PLEKHA5: variants seen among roughly 807,000 people sequenced by gnomAD.
PLEKHA5 encodes pleckstrin homology domain-containing family A member 5.
PLEKHA5 carries 55 observed loss-of-function variants against 181.9 expected under a neutral mutation model. The observed-to-expected ratio is 0.30, with a 90% confidence interval of 0.24 to 0.38. The LOEUF is 0.38. Ranked by LOEUF, PLEKHA5 falls within the 10% of genes least tolerant of loss-of-function variation. The pLI, the probability that PLEKHA5 is intolerant of heterozygous loss-of-function variation, is 1.00. For synonymous variants in PLEKHA5, 535 were observed against 529.4 expected (o/e 1.01, Z -0.15); for missense variants, 1,432 against 1,549.5 (o/e 0.92, Z 1.27).
intron 3 of PLEKHA5, among the ~76,000 whole-genome samples, chr12:19,226,498 A>C (rs181636111): frequency 6.6e-6 from 1 of 152,142 alleles, no homozygotes; most frequent in Non-Finnish European, 1.5e-5. Context: ...TTTGTGTCCA[A>C]CTTTTTGAGC....
rs1387520008 is a variant in PLEKHA5 at position 19,305,873 on chromosome 12, A to AC, written c.2038-8941_2038-8940insC. On this transcript the variant is annotated intron_variant, in intron 15 of 31. Coordinates refer to ENST00000429027, the MANE Select transcript of PLEKHA5 (RefSeq NM_001256470.2). Reference sequence around the variant, plus strand: ...CAAAACTCCATCTCAAAAAAAAAAAAAAAAAAAAAAACAACTATGAAGACT... The same window carrying AC: ...CAAAACTCCATCTCAAAAAAAAAAAACAAAAAAAAAAACAACTATGAAGACT... Among the ~76,000 whole-genome samples the AC allele has an allele frequency of 3.2e-3, 423 of 133,886 alleles. 3 individuals carry two copies. The highest frequency in any genetic ancestry group is 0.012 in the African/African-American group (404 of 34,158). The allele number at this position is 133,886 out of a possible 152,430, so 87.8% of individuals were successfully genotyped here. A position where few individuals can be genotyped will look rare whatever the true frequency, so the allele number is the denominator to read the frequency against.
intron 12 of PLEKHA5, among the ~76,000 whole-genome samples, 191 bp downstream of exon 12, chr12:19,283,936 C>T (rs2076690574): frequency 6.6e-6 from 1 of 152,102 alleles, no homozygotes; most frequent in Non-Finnish European, 1.5e-5. Context: ...TACCTAATTG[C>T]AACACTTCAT....
chr12:19,306,283 T>C (rs764649758), intron 15 of PLEKHA5: 100 of 352,026 alleles, frequency 2.8e-4, no homozygotes, highest in Non-Finnish European at 4.8e-4. Flanking sequence ...TGTTTTCTTA[T>C]TTACAGCTAG....
chr12:19,206,859 C>T (rs2055669100), intron 3 of PLEKHA5, among the ~76,000 whole-genome samples: 1 of 152,066 alleles, frequency 6.6e-6, no homozygotes. Flanking sequence ...ATGATGCATA[C>T]CTTGTTTATT....
rs909459313 is a variant in PLEKHA5 at position 19,347,276 on chromosome 12, A to T, written c.2898+94A>T. 9.0e-5 allele frequency: 51 copies of T among 566,232 alleles called. No individual in the cohort carries two copies. The East Asian group carries it at 1.5e-3, about 17-fold the overall frequency. The allele number at this position is 566,232 out of a possible 1,614,324, so 35.1% of individuals were successfully genotyped here. A position where few individuals can be genotyped will look rare whatever the true frequency, so the allele number is the denominator to read the frequency against. ...TTTACACTCAAACTTTTTTTTTATT[A>T]TAACCTTTATAACCTCATTTTTGGC... On this transcript the variant is annotated intron_variant, in intron 24 of 31. Coordinates refer to ENST00000429027, the MANE Select transcript of PLEKHA5 (RefSeq NM_001256470.2).
chr12:19,342,689 A>C (rs1243899969), intron 21 of PLEKHA5, among the ~76,000 whole-genome samples: 1 of 152,096 alleles, frequency 6.6e-6, no homozygotes, highest in Non-Finnish European at 1.5e-5. Flanking sequence ...AGGCAGCAGA[A>C]TCACTTGCGC....
chr12:19,300,803 A>C (rs1474706845), intron 15 of PLEKHA5, among the ~76,000 whole-genome samples: 1 of 152,104 alleles, frequency 6.6e-6, no homozygotes, highest in Non-Finnish European at 1.5e-5. Context: ...ACCATTGATA[A>C]AATCCAGATC....
rs2033244894 is a variant in PLEKHA5 at position 19,130,419 on chromosome 12, C to T, written c.169+289C>T. Among the ~76,000 whole-genome samples the T allele has an allele frequency of 6.6e-6, 1 of 151,934 alleles. No homozygotes were observed. Among genetic ancestry groups the T allele is most frequent in the Admixed American group, 6.5e-5 (1 of 15,272 alleles). On this transcript the variant is annotated intron_variant, in intron 2 of 31. Coordinates refer to ENST00000429027, the MANE Select transcript of PLEKHA5 (RefSeq NM_001256470.2). This position sits in a 1 kb window ranked among gnomAD's most constrained non-coding sequence, Gnocchi z 4.5. ...CCCAGCCTAGACGACCCTCGCGACC[C>T]TAGAGTGGCGACGCTCCCCTCCCTG... is the stretch of plus-strand genomic sequence containing the variant.
intron 3 of PLEKHA5, among the ~76,000 whole-genome samples, chr12:19,219,597 G>C (rs2058612641): frequency 6.7e-6 from 1 of 150,042 alleles, no homozygotes; most frequent in South Asian, 2.1e-4. Flanking sequence ...ATACTTATAG[G>C]TTACCTGTTA....
chr12:19,196,680 G>A (rs1229459402), intron 3 of PLEKHA5, among the ~76,000 whole-genome samples: 1 of 152,010 alleles, frequency 6.6e-6, no homozygotes, highest in Non-Finnish European at 1.5e-5. Context: ...CAATATTCCT[G>A]TACAAACAAA....
intron 3 of PLEKHA5, among the ~76,000 whole-genome samples, chr12:19,251,826 G>A (rs1329273438): frequency 6.6e-6 from 1 of 150,642 alleles, no homozygotes; most frequent in Non-Finnish European, 1.5e-5. Flanking sequence ...TAATAATACA[G>A]GGGACAAACT....
chr12:19,251,311 G>T (rs983563996), intron 3 of PLEKHA5, among the ~76,000 whole-genome samples: 1 of 151,816 alleles, frequency 6.6e-6, no homozygotes, highest in African/African-American at 2.4e-5. Flanking sequence ...GGAGGCTGAG[G>T]CAGGAGGATC....
intron 15 of PLEKHA5, among the ~76,000 whole-genome samples, chr12:19,300,736 T>A (rs1238724552): frequency 6.6e-6 from 1 of 152,220 alleles, no homozygotes. Flanking sequence ...AATCTTTGAA[T>A]TAATGGTAGG....
At chr12:19,195,540 C>T (rs2052466434) in intron 3 of PLEKHA5, among the ~76,000 whole-genome samples, 1 of 151,626 alleles carries the variant, frequency 6.6e-6, no homozygotes, top group Non-Finnish European at 1.5e-5. Flanking sequence ...CGTGCTGGCA[C>T]ACACCTGTAG....
At chr12:19,367,305 G>C (rs2095454859) in intron 30 of PLEKHA5, among the ~76,000 whole-genome samples, 1 of 138,246 alleles carries the variant, frequency 7.2e-6, no homozygotes, top group Non-Finnish European at 1.5e-5. Context: ...ACCCAGGCTG[G>C]AGTGATGTGG....
intron 15 of PLEKHA5, among the ~76,000 whole-genome samples, chr12:19,305,872 A>AAAAC (rs1335337968): frequency 7.5e-6 from 1 of 133,756 alleles, no homozygotes; most frequent in Non-Finnish European, 1.6e-5. Context: ...AAAAAAAAAA[A>AAAAC]AAAAAAAAAA....
intron 30 of PLEKHA5, among the ~76,000 whole-genome samples, chr12:19,369,347 A>T (rs67885039): frequency 0.21 from 31,547 of 150,728 alleles, 3,315 homozygotes; most frequent in South Asian, 0.29. Flanking sequence ...AAAAAAAAAA[A>T]TTTTTAAGTA....
chr12:19,148,332 C>T (rs2039482852), intron 3 of PLEKHA5, among the ~76,000 whole-genome samples: 1 of 152,230 alleles, frequency 6.6e-6, no homozygotes, highest in African/African-American at 2.4e-5. Flanking sequence ...GCTGGGATTA[C>T]AGGTGTAAGC....
chr12:19,332,501 C>A (rs920855378), intron 20 of PLEKHA5, among the ~76,000 whole-genome samples: 2 of 152,032 alleles, frequency 1.3e-5, no homozygotes, highest in Admixed American at 1.3e-4. Context: ...GTTTTAGAGA[C>A]AGGGTATTGC....
Sources: gnomAD v4.1 joint callset for allele counts (sites outside exome capture counted in the v4.1 genomes callset) on GRCh38, gnomAD v4.1.1 for gene constraint, Gnocchi (gnomAD v3.1) non-coding constraint, MANE v1.5 for transcripts, NCBI Gene and HGNC (gene_info 2026-07-23, HGNC 2026-07-21) for gene names.